Variants in HERC2 observed in about 807,000 individuals in gnomAD.
The protein encoded by HERC2 is HECT and RLD domain containing E3 ubiquitin protein ligase 2.
In HERC2, 102 loss-of-function variants were observed where a neutral mutation model predicts 537.7. The ratio of observed to expected loss-of-function variants is 0.19; its 90% CI spans 0.16 to 0.22. The LOEUF is 0.22. HERC2 is among the 10% of genes least tolerant of loss of function. The pLI is 1.00. For missense variants in HERC2, 4,236 were observed against 6,198.2 expected (o/e 0.68, Z 10.63); for synonymous variants, 2,224 against 2,466.2 (o/e 0.90, Z 2.91).
At chr15:28,308,458 T>C (rs1567148634) in intron 2 of HERC2, among the ~76,000 whole-genome samples, 1 of 152,242 alleles carries the variant, frequency 6.6e-6, no homozygotes, top group Non-Finnish European at 1.5e-5. Context: ...TGTGGAGTCT[T>C]TAGGTTTTTC....
rs200862998 is a variant in HERC2, at chr15:28,245,566, TACACACACACACAC to T, written c.3577+301_3577+314del. On this transcript the variant is annotated intron_variant, in intron 23 of 92. Transcript: ENST00000261609. ...AGTGTCAAAAAAAAAAAAAAATATA[TACACACACACACAC>T]ACACACACACACACACACACACACA... is the stretch of plus-strand genomic sequence containing the variant. Among the ~76,000 whole-genome samples the T allele has an allele frequency of 2.6e-3, 308 of 119,242 alleles. 8 individuals are homozygous for T. Among genetic ancestry groups the T allele is most frequent in the Middle Eastern group, 8.2e-3 (2 of 244 alleles). The allele number at this position is 119,242 out of a possible 152,430, so 78.2% of individuals were successfully genotyped here.
chr15:28,291,203 G>A (rs1039325560), intron 4 of HERC2, among the ~76,000 whole-genome samples: 16 of 152,070 alleles, frequency 1.1e-4, no homozygotes, highest in Non-Finnish European at 1.9e-4. Context: ...AATAACCTAC[G>A]AGGTAGGTAC....
chr15:28,188,543 TAA>T (rs34333172), intron 55 of HERC2, among the ~76,000 whole-genome samples: 9 of 135,032 alleles, frequency 6.7e-5, no homozygotes, highest in East Asian at 2.2e-4. Context: ...GACTCCGTCT[TAA>T]AAAAAAAAAA....
intron 69 of HERC2, 38 bp downstream of exon 69, chr15:28,163,056 A>T (rs781603397): frequency 1.9e-6 from 3 of 1,539,186 alleles, no homozygotes; most frequent in Admixed American, 1.8e-5. Flanking sequence ...AACATGGAGG[A>T]GGTGGAATCA....
intron 4 of HERC2, among the ~76,000 whole-genome samples, chr15:28,289,643 T>C (rs113612253): frequency 7.9e-5 from 12 of 152,358 alleles, no homozygotes; most frequent in African/African-American, 2.9e-4. Context: ...CTAAGAGAAG[T>C]GTCCTTATCT....
intron 5 of HERC2, among the ~76,000 whole-genome samples, chr15:28,276,727 ACT>A (rs2075884436): frequency 6.6e-6 from 1 of 151,382 alleles, no homozygotes; most frequent in South Asian, 2.1e-4. Context: ...ACAAAGCGAG[ACT>A]CTGTCTCAAA....
At chr15:28,308,901 G>C (rs957550465) in intron 2 of HERC2, among the ~76,000 whole-genome samples, 2 of 152,196 alleles carry the variant, frequency 1.3e-5, no homozygotes, top group African/African-American at 2.4e-5. Flanking sequence ...ACCCCACTTG[G>C]TCACAATGAA....
At position 28,265,931 on chromosome 15, in the gene HERC2, G is replaced by A; in HGVS notation, c.1642C>T (p.Gln548Ter). 1.2e-6 allele frequency: 2 copies of A among 1,614,190 alleles called. No individual in the cohort carries two copies. Among genetic ancestry groups the A allele is most frequent in the Non-Finnish European group, 1.7e-6 (2 of 1,180,034 alleles). ...PKVISAFSGK[Q>*]AGKHVVHIAC... ...ATGTGCACCACGTGCTTCCCGGCCT[G>A]CTTTCCAGAGAAGGCGGAGATCACC... The change falls in exon 13 of 93, where the codon CAG becomes TAG. Residue 548 changes from glutamine (Q) to a stop codon, truncating the protein, a stop_gained. Coordinates refer to ENST00000261609, the MANE Select transcript of HERC2 (RefSeq NM_004667.6). LOFTEE classifies it high-confidence loss of function. This position sits in a 1 kb window ranked among gnomAD's most constrained non-coding sequence, Gnocchi z 4.0.
At chr15:28,124,970 G>T in intron 84 of HERC2, 36 bp downstream of exon 84, 1 of 1,563,660 alleles carries the variant, frequency 6.4e-7, no homozygotes. Flanking sequence ...AGCACACTTT[G>T]CTTGCCCCCG....
At chr15:28,196,061 C>CG (rs1225692257) in intron 52 of HERC2, among the ~76,000 whole-genome samples, 154 bp downstream of exon 52, 1 of 152,240 alleles carries the variant, frequency 6.6e-6, no homozygotes, top group Middle Eastern at 3.4e-3. Context: ...CAGTCATCAG[C>CG]GGGTAGGACC....
Position 28,177,324 on chromosome 15 carries a change from T to C in HERC2, c.9254+95A>G. ...TTTTGTTTAAGAACCATTTCTATAA[T>C]CTATTCTATTCTAATTTTCTGCAAA... is the stretch of plus-strand genomic sequence containing the variant. On this transcript the variant is annotated intron_variant, in intron 60 of 92. Transcript: ENST00000261609. The surrounding 1 kb of genome is among the most constrained non-coding windows in gnomAD (Gnocchi z 5.0). The C allele has an allele frequency of 7.3e-7, 1 of 1,366,994 alleles. No individual in the cohort carries two copies. 84.7% of individuals were successfully genotyped at this position (1,366,994 alleles called of 1,614,324 possible). A position where few individuals can be genotyped will look rare whatever the true frequency, so the allele number is the denominator to read the frequency against.
Position 28,274,943 on chromosome 15 carries a change from G to A in HERC2, c.605C>T (p.Ser202Phe), listed in dbSNP as rs2075832223. 6.2e-7 allele frequency: 1 copy of A among 1,611,036 alleles called. No individual in the cohort carries two copies. Among genetic ancestry groups the A allele is most frequent in the African/African-American group, 1.3e-5 (1 of 74,940 alleles). ...LARVGSRAAL[S>F]FAFAFLRRAW... ...CCTGCGCAGGAAGGCAAAGGCAAAAGACAGCGCCGCTCGGGATCCCACTCT... is the reference window on the plus strand; with the variant it reads ...CCTGCGCAGGAAGGCAAAGGCAAAAAACAGCGCCGCTCGGGATCCCACTCT... Residue 202 changes from serine (S) to phenylalanine (F), a missense_variant, in exon 6 of 93, where the codon TCT becomes TTT. By Grantham distance (155) the Ser-to-Phe change is radical (BLOSUM62 -2). Coordinates refer to ENST00000261609, the MANE Select transcript of HERC2 (RefSeq NM_004667.6).
Position 28,190,947 on chromosome 15 carries a change from A to G in HERC2, c.8649+18T>C. ...CATCTGTAAATCATCCAAATGGAAC[A>G]CTAGCATAGCTACTTACCTCTGTGC... On this transcript the variant is annotated intron_variant, in intron 55 of 92. Transcript: ENST00000261609. The G allele has an allele frequency of 6.5e-7, 1 of 1,530,470 alleles. No individual in the cohort carries two copies. The allele number at this position is 1,530,470 out of a possible 1,614,324, so 94.8% of individuals were successfully genotyped here. A position where few individuals can be genotyped will look rare whatever the true frequency, so the allele number is the denominator to read the frequency against.
chr15:28,230,124 A>ATTT (rs1250087506), intron 31 of HERC2, among the ~76,000 whole-genome samples: 7 of 152,254 alleles, frequency 4.6e-5, no homozygotes, highest in African/African-American at 1.7e-4. Context: ...AACAAAGAAT[A>ATTT]TATTTAAGGA....
chr15:28,135,430 CA>C, intron 79 of HERC2, 47 bp downstream of exon 79: 1 of 1,486,032 alleles, frequency 6.7e-7, no homozygotes, highest in African/African-American at 1.4e-5. Flanking sequence ...TTAAAACAAA[CA>C]AAAACAAAGA....
chr15:28,132,786 T>C lies in HERC2; in HGVS notation c.12275A>G (p.Glu4092Gly). Residue 4092 changes from glutamate (E) to glycine (G), a missense_variant, in exon 80 of 93, where the codon GAA becomes GGA. Physicochemically the swap from Glu to Gly is moderately conservative, Grantham distance 98. This residue lies in a region of HERC2 where 94 missense variants were observed against 137.4 expected (regional missense o/e 0.68). Transcript: ENST00000261609. ...TCCGCCAGCAGCAACATCGACCACT[T>C]CAATTCCTCTCAGAGACTCGATGAC... is the stretch of plus-strand genomic sequence containing the variant. ...PRVIESLRGI[E>G]VVDVAAGGAH... 1 of 1,600,396 alleles carries C rather than the reference T, an allele frequency of 6.2e-7. No individual in the cohort carries two copies. Among genetic ancestry groups the C allele is most frequent in the Non-Finnish European group, 8.5e-7 (1 of 1,173,784 alleles).
In HERC2 at chr15:28,144,779, G is replaced by A. The variant is rs369550096; in HGVS notation, c.11034C>T (p.Ser3678=). 4.3e-5 allele frequency: 69 copies of A among 1,614,156 alleles called. No homozygotes were observed. The highest frequency in any genetic ancestry group is 8.0e-5 in the African/African-American group (6 of 75,052). Residue 3678 remains serine, a synonymous_variant, in exon 72 of 93, where the codon AGC becomes AGT. Coordinates refer to ENST00000261609, the MANE Select transcript of HERC2 (RefSeq NM_004667.6). ...RSGREWSDWS[S]ELRIPGDELK... Reference sequence around the variant, plus strand: ...ACTCATCCCCTGGGATGCGCAGCTCGCTGGACCAGTCGGACCACTCTCGGC... The same window carrying A: ...ACTCATCCCCTGGGATGCGCAGCTCACTGGACCAGTCGGACCACTCTCGGC...
Position 28,220,566 on chromosome 15 carries a change from C to T in HERC2, c.5731G>A (p.Gly1911Ser). 6.2e-7 allele frequency: 1 copy of T among 1,601,638 alleles called. No homozygotes were observed. The highest frequency in any genetic ancestry group is 1.1e-5 in the South Asian group (1 of 90,998). The change falls in exon 37 of 93, where the codon GGC becomes AGC. Residue 1911 changes from glycine to serine, a missense_variant. Gly to Ser is a moderately conservative substitution (Grantham distance 56). This residue lies in a region of HERC2 where 365 missense variants were observed against 468.8 expected (regional missense o/e 0.78). Coordinates refer to ENST00000261609, the MANE Select transcript of HERC2 (RefSeq NM_004667.6). ...CCCATCCTGTAGGAGTTGGTGCTGC[C>T]TGTGTCCCACTGGACTCTTATCCAT... ...DGWIRVQWDTGSTNSYRMGKE... is the reference protein window; with the variant it reads ...DGWIRVQWDTSSTNSYRMGKE...
At chr15:28,112,939 G>A in intron 92 of HERC2, 132 bp downstream of exon 92, 1 of 709,254 alleles carries the variant, frequency 1.4e-6, no homozygotes, top group Non-Finnish European at 2.3e-6. Flanking sequence ...GAAGTTCGAT[G>A]TTTTCCATTT....
Sources: gnomAD v4.1 joint callset for allele counts (sites outside exome capture counted in the v4.1 genomes callset) on GRCh38, gnomAD v4.1.1 for gene constraint, gnomAD v4.1.1 regional missense constraint, Gnocchi (gnomAD v3.1) non-coding constraint, MANE v1.5 for transcripts, NCBI Gene and HGNC (gene_info 2026-07-23, HGNC 2026-07-21) for gene names.